The following PDZRN4 variants were observed in gnomAD, a reference collection of about 807,000 sequenced individuals.
PDZRN4 encodes PDZ domain-containing RING finger protein 4.
In PDZRN4, 70 loss-of-function variants were observed where a neutral mutation model predicts 99.0. The ratio of observed to expected loss-of-function variants is 0.71; its 90% CI spans 0.58 to 0.86. The LOEUF (loss-of-function observed/expected upper bound fraction) is 0.86. Ranked by LOEUF, PDZRN4 falls within the 40% of genes least tolerant of loss-of-function variation. The pLI, the probability that PDZRN4 is intolerant of heterozygous loss-of-function variation, is 0.00. For missense variants in PDZRN4, 1,474 were observed against 1,331.2 expected, an observed-to-expected ratio of 1.11 and a Z score of -1.67; for synonymous variants, 551 against 501.6, an observed-to-expected ratio of 1.10 and a Z score of -1.32.
Position 41,573,637 on chromosome 12 carries a change from C to G in PDZRN4, c.2858C>G (p.Ala953Gly), listed in dbSNP as rs1315085010. 3.7e-6 allele frequency: 6 copies of G among 1,613,986 alleles called. No individual in the cohort carries two copies. Among genetic ancestry groups the G allele is most frequent in the African/African-American group, 1.3e-5 (1 of 75,006 alleles). The change falls in exon 10 of 10, where the codon GCC becomes GGC. Residue 953 changes from alanine (A) to glycine (G), a missense_variant. Ala to Gly is a moderately conservative substitution (Grantham distance 60). Coordinates refer to ENST00000402685, the MANE Select transcript of PDZRN4 (RefSeq NM_001164595.2). Reference protein sequence around the residue: ...KEERKQHLVRAKEQRRRREFM... With the variant: ...KEERKQHLVRGKEQRRRREFM... Reference sequence around the variant, plus strand: ...GAGAGAAAGCAGCACCTGGTTAGGGCCAAAGAGCAGCGCCGTCGCCGTGAG... The same window carrying G: ...GAGAGAAAGCAGCACCTGGTTAGGGGCAAAGAGCAGCGCCGTCGCCGTGAG...
Position 41,573,187 on chromosome 12 carries a change from G to A in PDZRN4, c.2408G>A (p.Ser803Asn). Reference sequence around the variant, plus strand: ...GCCAAAACCACTGAGCAAGGTTGTAGCGCTGAAAGCAAGGAGAAGGTTTTA... The same window carrying A: ...GCCAAAACCACTGAGCAAGGTTGTAACGCTGAAAGCAAGGAGAAGGTTTTA... Reference protein sequence around the residue: ...TKAKTTEQGCSAESKEKVLEG... With the variant: ...TKAKTTEQGCNAESKEKVLEG... The change falls in exon 10 of 10, where the codon AGC becomes AAC. Residue 803 changes from serine (S) to asparagine (N), a missense_variant. Ser to Asn is a conservative substitution (Grantham distance 46). Coordinates refer to ENST00000402685, the MANE Select transcript of PDZRN4 (RefSeq NM_001164595.2). 1 of 1,614,134 alleles carries A rather than the reference G, an allele frequency of 6.2e-7. No individual in the cohort carries two copies. The highest frequency in any genetic ancestry group is 8.5e-7 in the Non-Finnish European group (1 of 1,180,020).
At chr12:41,497,117 A>G (rs1278304834) in intron 3 of PDZRN4, among the ~76,000 whole-genome samples, 1 of 152,118 alleles carries the variant, frequency 6.6e-6, no homozygotes, top group Non-Finnish European at 1.5e-5. Context: ...GTAGATTTCT[A>G]CATCCTTTTG....
chr12:41,244,019 C>T (rs1024795593), intron 3 of PDZRN4, among the ~76,000 whole-genome samples: 1 of 152,150 alleles, frequency 6.6e-6, no homozygotes, highest in African/African-American at 2.4e-5. Flanking sequence ...TTTATGCCTC[C>T]TAATATTTTA....
At chr12:41,282,591 A>G (rs936363727) in intron 3 of PDZRN4, among the ~76,000 whole-genome samples, 3 of 152,206 alleles carry the variant, frequency 2.0e-5, no homozygotes, top group African/African-American at 7.2e-5. Flanking sequence ...ACCACATTGC[A>G]CTTATTCTAA....
intron 3 of PDZRN4, among the ~76,000 whole-genome samples, chr12:41,456,392 C>T (rs1952816982): frequency 6.6e-6 from 1 of 152,018 alleles, no homozygotes; most frequent in African/African-American, 2.4e-5. Flanking sequence ...TGCCCTACCT[C>T]ATCTTTAAGT....
chr12:41,233,508 A>G (rs566205531), intron 3 of PDZRN4, among the ~76,000 whole-genome samples: 64 of 152,296 alleles, frequency 4.2e-4, no homozygotes, highest in Admixed American at 2.3e-3. Context: ...TAGCAGCACT[A>G]TTCACAATAG....
At chr12:41,313,662 G>A (rs1951621312) in intron 3 of PDZRN4, among the ~76,000 whole-genome samples, 3 of 152,122 alleles carry the variant, frequency 2.0e-5, no homozygotes, top group Non-Finnish European at 1.5e-5. Context: ...CCCATCCATG[G>A]ACATCAGCCA....
chr12:41,394,032 T>C (rs1440655011), intron 3 of PDZRN4, among the ~76,000 whole-genome samples: 1 of 152,182 alleles, frequency 6.6e-6, no homozygotes, highest in Non-Finnish European at 1.5e-5. Flanking sequence ...TAAATGGAAA[T>C]GTATTTCTCT....
chr12:41,427,027 T>C (rs746861122), intron 3 of PDZRN4, among the ~76,000 whole-genome samples: 3 of 152,182 alleles, frequency 2.0e-5, no homozygotes, highest in Non-Finnish European at 2.9e-5. Context: ...GCATAAAGTA[T>C]GGTGAATAGG....
At chr12:41,239,088 A>T (rs1951087390) in intron 3 of PDZRN4, among the ~76,000 whole-genome samples, 1 of 152,246 alleles carries the variant, frequency 6.6e-6, no homozygotes, top group Non-Finnish European at 1.5e-5. Context: ...GATAGACTGG[A>T]TAAAGATAAT....
At chr12:41,537,308 C>A (rs988761184) in intron 5 of PDZRN4, among the ~76,000 whole-genome samples, 2 of 152,168 alleles carry the variant, frequency 1.3e-5, no homozygotes, top group African/African-American at 4.8e-5. Context: ...GGGCAATGAG[C>A]ACTTCTTACT....
chr12:41,515,766 C>T (rs574779992), intron 5 of PDZRN4, among the ~76,000 whole-genome samples: 2 of 152,060 alleles, frequency 1.3e-5, no homozygotes, highest in Non-Finnish European at 2.9e-5. Context: ...TTTTTGGTGT[C>T]TTGTAGCCAG....
Position 41,536,070 on chromosome 12 carries a change from C to A in PDZRN4, c.1204-16586C>A, listed in dbSNP as rs891200494. Among the ~76,000 whole-genome samples the A allele has an allele frequency of 2.0e-5, 3 of 152,150 alleles. No homozygotes were observed. In the East Asian group the frequency reaches 5.8e-4, roughly 29 times the overall value. ...GACTCTATACCATGGGCTTTGTCTC[C>A]TGTCCTTCATGCCCTATGAAACTGT... On this transcript the variant is annotated intron_variant, in intron 5 of 9. Coordinates refer to ENST00000402685, the MANE Select transcript of PDZRN4 (RefSeq NM_001164595.2).
intron 3 of PDZRN4, among the ~76,000 whole-genome samples, chr12:41,395,040 A>G (rs1952236898): frequency 6.6e-6 from 1 of 152,144 alleles, no homozygotes. Flanking sequence ...TTCTTATCAC[A>G]AATTATTTAT....
chr12:41,485,250 G>A (rs1194726682), intron 3 of PDZRN4, among the ~76,000 whole-genome samples: 2 of 152,140 alleles, frequency 1.3e-5, no homozygotes, highest in African/African-American at 2.4e-5. Flanking sequence ...GTCATTGAGC[G>A]AACAAGAAGA....
intron 3 of PDZRN4, among the ~76,000 whole-genome samples, chr12:41,403,768 C>A (rs1254101356): frequency 1.3e-5 from 2 of 152,112 alleles, no homozygotes; most frequent in Non-Finnish European, 1.5e-5. Flanking sequence ...TACTAGCACA[C>A]AATTTATTCA....
intron 3 of PDZRN4, among the ~76,000 whole-genome samples, chr12:41,489,331 G>T (rs1269496490): frequency 6.6e-6 from 1 of 152,082 alleles, no homozygotes; most frequent in Non-Finnish European, 1.5e-5. Flanking sequence ...TAATGCAGAA[G>T]ACAGCCTGCT....
intron 3 of PDZRN4, among the ~76,000 whole-genome samples, chr12:41,283,789 G>C (rs1014609203): frequency 3.9e-5 from 6 of 152,106 alleles, no homozygotes; most frequent in Non-Finnish European, 2.9e-5. Flanking sequence ...TGCAGAAAAG[G>C]CTTTCAATAA....
chr12:41,194,892 T>A (rs766127380), intron 3 of PDZRN4, among the ~76,000 whole-genome samples: 1 of 152,224 alleles, frequency 6.6e-6, no homozygotes, highest in Non-Finnish European at 1.5e-5. Flanking sequence ...ATTTTAAATT[T>A]GTAATTAATA....
Sources: allele counts gnomAD v4.1 joint callset (sites outside exome capture counted in the v4.1 genomes callset), GRCh38; gene constraint gnomAD v4.1.1; transcripts MANE v1.5; gene names NCBI Gene and HGNC (gene_info 2026-07-23, HGNC 2026-07-21).